ME2: variants seen among roughly 807,000 people sequenced by gnomAD.
ME2 encodes NAD-dependent malic enzyme, mitochondrial.
Under a neutral mutation model 73.7 loss-of-function variants are expected in ME2, and 60 were observed. That is an observed-to-expected ratio of 0.81 (90% CI 0.66 to 1.01). The LOEUF (loss-of-function observed/expected upper bound fraction) is 1.01. ME2 is among the 50% of genes least tolerant of loss of function. The probability of loss-of-function intolerance (pLI) is 0.00; values close to 1 mark genes in which losing one functional copy is unlikely to be tolerated. For synonymous variants in ME2, 199 were observed against 236.9 expected (o/e 0.84, Z 1.47); for missense variants, 594 against 705.5 (o/e 0.84, Z 1.79).
At chr18:50,934,256 T>C (rs932606028) in intron 13 of ME2, 1 of 152,224 alleles carries the variant, frequency 6.6e-6, no homozygotes, top group African/African-American at 2.4e-5. Flanking sequence ...TTTTATATCA[T>C]ATCTGAGTAT....
intron 2 of ME2, among the ~76,000 whole-genome samples, chr18:50,904,190 G>A (rs1916956200): frequency 6.6e-6 from 1 of 151,736 alleles, no homozygotes. Context: ...GTTACAATTT[G>A]TGTGGTATAT....
At chr18:50,894,286 G>A (rs1362536629) in intron 1 of ME2, among the ~76,000 whole-genome samples, 8 of 152,152 alleles carry the variant, frequency 5.3e-5, no homozygotes, top group Non-Finnish European at 7.4e-5. Flanking sequence ...CTTTTTGGCC[G>A]GGCGCGGTGG....
intron 3 of ME2, among the ~76,000 whole-genome samples, chr18:50,908,763 C>T (rs1309958859): frequency 2.0e-5 from 3 of 151,876 alleles, no homozygotes; most frequent in Non-Finnish European, 2.9e-5. Flanking sequence ...GCTTCAGCCT[C>T]CTGAGTAGTT....
At chr18:50,937,358 A>G (rs1264100598) in intron 13 of ME2, among the ~76,000 whole-genome samples, 1 of 152,144 alleles carries the variant, frequency 6.6e-6, no homozygotes, top group Non-Finnish European at 1.5e-5. Context: ...GACACCAGAC[A>G]TAGTTGAGGA....
Position 50,932,248 on chromosome 18 carries a change from T to C in ME2, c.1315-10T>C, listed in dbSNP as rs771570700. On this transcript the variant is annotated splice_polypyrimidine_tract_variant and intron_variant, in intron 12 of 15. Transcript: ENST00000321341. ...ATAACAAAATTGAAGTTATTTCATT[T>C]TATTAACAGGGCAGGTGTTTGTTTG... 4 of 1,602,092 alleles carry C rather than the reference T, an allele frequency of 2.5e-6. No homozygotes were observed. Among genetic ancestry groups the C allele is most frequent in the Non-Finnish European group, 3.4e-6 (4 of 1,175,052 alleles).
intron 2 of ME2, among the ~76,000 whole-genome samples, chr18:50,901,105 T>C (rs1916878485): frequency 6.6e-6 from 1 of 152,214 alleles, no homozygotes; most frequent in Admixed American, 6.5e-5. Context: ...TTAGTTATAA[T>C]TTGCCCTTTT....
intron 1 of ME2, among the ~76,000 whole-genome samples, chr18:50,895,602 G>C (rs956454524): frequency 3.9e-5 from 6 of 152,202 alleles, no homozygotes; most frequent in African/African-American, 1.4e-4. Context: ...TACATAGTAG[G>C]TGGTACTTAA....
chr18:50,908,293 T>C (rs1375256363), intron 3 of ME2, 97 bp downstream of exon 3: 2 of 864,990 alleles, frequency 2.3e-6, no homozygotes, highest in East Asian at 2.8e-5. Context: ...CACAATCTTA[T>C]ATAAGTTTGT....
In ME2 at chr18:50,902,838, A is replaced by G. The variant is rs1435447619; in HGVS notation, c.109-5225A>G. Among the ~76,000 whole-genome samples, 6 of 152,352 alleles carry G rather than the reference A, an allele frequency of 3.9e-5. No homozygotes were observed. In the East Asian group the frequency reaches 9.6e-4, roughly 24 times the overall value. On this transcript the variant is annotated intron_variant, in intron 2 of 15. Transcript: ENST00000321341. ...CTCTAAAATGTTTGATAAGCTGTAT[A>G]ATAAATATATGGGTGCATAATAGTG...
At chr18:50,893,900 C>T (rs1039079264) in intron 1 of ME2, among the ~76,000 whole-genome samples, 3 of 152,212 alleles carry the variant, frequency 2.0e-5, no homozygotes, top group African/African-American at 4.8e-5. Flanking sequence ...GTGTTTTCCA[C>T]TTTTTTGACA....
At chr18:50,904,686 G>A (rs1456189045) in intron 2 of ME2, among the ~76,000 whole-genome samples, 1 of 152,118 alleles carries the variant, frequency 6.6e-6, no homozygotes, top group African/African-American at 2.4e-5. Flanking sequence ...CCAAAGTGCT[G>A]GGATTACAGG....
chr18:50,881,148 C>T (rs912629643), intron 1 of ME2, among the ~76,000 whole-genome samples: 1 of 152,208 alleles, frequency 6.6e-6, no homozygotes, highest in African/African-American at 2.4e-5. Context: ...TCTGCCTCAG[C>T]CTTCTGAGTA....
chr18:50,918,609 A>G (rs897056302), intron 7 of ME2, among the ~76,000 whole-genome samples: 2 of 151,600 alleles, frequency 1.3e-5, no homozygotes, highest in Non-Finnish European at 2.9e-5. Context: ...TGCACCGTCA[A>G]CTCAGGTTTT....
intron 11 of ME2, 26 bp from the exon 12 acceptor site, chr18:50,925,730 C>T: frequency 6.2e-7 from 1 of 1,607,888 alleles, no homozygotes; most frequent in East Asian, 2.2e-5. Flanking sequence ...AATGAAGTTG[C>T]TGTTTTTCCC....
At chr18:50,920,845 C>A (rs1385912483) in intron 9 of ME2, 87 bp downstream of exon 9, 4 of 994,870 alleles carry the variant, frequency 4.0e-6, no homozygotes, top group Admixed American at 2.6e-5. Flanking sequence ...TATGAAAGAG[C>A]ATAGTGAGCC....
At chr18:50,881,626 T>A (rs1771981745) in intron 1 of ME2, among the ~76,000 whole-genome samples, 1 of 152,230 alleles carries the variant, frequency 6.6e-6, no homozygotes, top group African/African-American at 2.4e-5. Flanking sequence ...ATCCAGATTC[T>A]CATTCTTGAC....
At chr18:50,897,412 C>T (rs1245498215) in intron 2 of ME2, among the ~76,000 whole-genome samples, 1 of 152,132 alleles carries the variant, frequency 6.6e-6, no homozygotes, top group African/African-American at 2.4e-5. Context: ...AGTCTAAGTG[C>T]ATTACCATAC....
chr18:50,947,108 G>C lies in ME2; in HGVS notation c.1679G>C (p.Ser560Thr), dbSNP rs1918102338. 6.2e-7 allele frequency: 1 copy of C among 1,614,098 alleles called. No individual in the cohort carries two copies. The highest frequency in any genetic ancestry group is 1.3e-5 in the African/African-American group (1 of 75,046). Residue 560 changes from serine (S) to threonine (T), a missense_variant, in exon 16 of 16, where the codon AGT becomes ACT. Transcript: ENST00000321341. ...AKYVKERTWR[S>T]EYDSLLPDVY... ...TATGTTAAAGAAAGAACATGGCGGA[G>C]TGAATATGATTCCCTGCTGCCAGAT...
At chr18:50,928,914 C>T (rs901874092) in intron 12 of ME2, among the ~76,000 whole-genome samples, 6 of 152,144 alleles carry the variant, frequency 3.9e-5, no homozygotes, top group African/African-American at 1.4e-4. Flanking sequence ...GCTTCAAATG[C>T]TAGGCTCATA....
Sources: allele counts gnomAD v4.1 joint callset (sites outside exome capture counted in the v4.1 genomes callset), GRCh38; gene constraint gnomAD v4.1.1; transcripts MANE v1.5; gene names NCBI Gene and HGNC (gene_info 2026-07-23, HGNC 2026-07-21).